CHST9: variants seen among roughly 807,000 people sequenced by gnomAD.
CHST9 encodes carbohydrate sulfotransferase 9.
A neutral mutation model predicts 44.4 loss-of-function variants in CHST9; 41 were observed. That is an observed-to-expected ratio of 0.92 (90% confidence interval 0.72 to 1.20). The LOEUF is 1.20. Ranked by LOEUF, CHST9 falls within the 50% of genes most tolerant of loss-of-function variation. The pLI, the probability that CHST9 is intolerant of heterozygous loss-of-function variation, is 0.00. For synonymous variants in CHST9, 171 were observed against 178.4 expected (o/e 0.96, Z 0.33); for missense variants, 504 against 516.5 (o/e 0.98, Z 0.23).
intron 3 of CHST9, among the ~76,000 whole-genome samples, chr18:27,026,320 T>C (rs887891491): frequency 6.6e-6 from 1 of 152,188 alleles, no homozygotes; most frequent in African/African-American, 2.4e-5. Flanking sequence ...AGTAAACTTA[T>C]TGAACACTGG....
At chr18:27,142,961 A>C in intron 1 of CHST9, 56 bp from the exon 2 acceptor site, 1 of 634,224 alleles carries the variant, frequency 1.6e-6, no homozygotes, top group Non-Finnish European at 2.6e-6. Context: ...TAATTCTCAA[A>C]TACGGCATAA....
chr18:27,140,446 T>C (rs1567934456), intron 2 of CHST9, among the ~76,000 whole-genome samples: 1 of 152,240 alleles, frequency 6.6e-6, no homozygotes, highest in Non-Finnish European at 1.5e-5. Flanking sequence ...TTAACCTGTT[T>C]CCTTAGATAT....
At chr18:26,919,731 T>C (rs1396749157) in intron 5 of CHST9, among the ~76,000 whole-genome samples, 1 of 152,128 alleles carries the variant, frequency 6.6e-6, no homozygotes, top group Admixed American at 6.5e-5. Flanking sequence ...CCCTGTGGCC[T>C]CTGGACTTTC....
In CHST9 at chr18:26,995,287, A is replaced by C. The variant is rs1307610369; in HGVS notation, c.202+28829T>G. ...AAAAAAAAAAAAAAAAAATGCAAAA[A>C]ATTAGCTGGGCGTGGTGGTGGGCGC... On this transcript the variant is annotated intron_variant, in intron 4 of 5. Transcript: ENST00000618847. Among the ~76,000 whole-genome samples the C allele has an allele frequency of 4.0e-5, 6 of 151,646 alleles. No homozygotes were observed. In the East Asian group the frequency reaches 1.2e-3, roughly 29 times the overall value.
intron 4 of CHST9, among the ~76,000 whole-genome samples, chr18:27,022,639 C>T (rs1598647054): frequency 6.6e-6 from 1 of 152,164 alleles, no homozygotes; most frequent in African/African-American, 2.4e-5. Context: ...GCTTTGATGT[C>T]TCCATGCTTT....
At chr18:26,922,624 G>A (rs2055679340) in intron 5 of CHST9, among the ~76,000 whole-genome samples, 1 of 134,092 alleles carries the variant, frequency 7.5e-6, no homozygotes, top group Non-Finnish European at 1.6e-5. Context: ...CCTAATTCTT[G>A]TTATTTTTAT....
intron 1 of CHST9, among the ~76,000 whole-genome samples, chr18:27,180,855 A>G (rs2058906382): frequency 6.6e-6 from 1 of 152,220 alleles, no homozygotes; most frequent in Non-Finnish European, 1.5e-5. Context: ...TAATAAGTGT[A>G]TATAAAATTT....
At chr18:26,983,697 G>T (rs964879383) in intron 4 of CHST9, among the ~76,000 whole-genome samples, 1 of 152,156 alleles carries the variant, frequency 6.6e-6, no homozygotes, top group Non-Finnish European at 1.5e-5. Context: ...GTCTTTGGAA[G>T]GGGACAAGAA....
At chr18:27,053,255 GAAGA>G (rs2057602800) in intron 2 of CHST9, among the ~76,000 whole-genome samples, 14 of 115,264 alleles carry the variant, frequency 1.2e-4, no homozygotes, top group African/African-American at 4.5e-4. Flanking sequence ...AGAAGAAGAA[GAAGA>G]AGGAGAAGGA....
intron 4 of CHST9, among the ~76,000 whole-genome samples, chr18:27,014,453 C>CAAAAAAAAAAAAAAAAAAAAAAAAAAA (rs57437876): frequency 2.5e-5 from 1 of 39,438 alleles, no homozygotes; most frequent in Non-Finnish European, 4.2e-5. Flanking sequence ...GACTCTGTCT[C>CAAAAAAAAAAAAAAAAAAAAAAAAAAA]AAAAAAAAAA....
intron 2 of CHST9, among the ~76,000 whole-genome samples, chr18:27,100,620 T>G (rs1017508215): frequency 2.3e-4 from 35 of 152,170 alleles, no homozygotes; most frequent in Non-Finnish European, 4.4e-5. Flanking sequence ...GACTTTGCTT[T>G]GTTTGCGGTA....
At chr18:27,054,131 T>G (rs17704048) in intron 2 of CHST9, among the ~76,000 whole-genome samples, 17,197 of 152,234 alleles carry the variant, frequency 0.11, 1,194 homozygotes, top group Middle Eastern at 0.24. Flanking sequence ...CAACTCACTC[T>G]GAAATGCTGG....
chr18:27,140,120 AAAT>A (rs1259504262), intron 2 of CHST9, among the ~76,000 whole-genome samples: 2 of 152,152 alleles, frequency 1.3e-5, no homozygotes, highest in African/African-American at 4.8e-5. Flanking sequence ...TGCTATAGAG[AAAT>A]AATAATATTC....
chr18:26,956,228 C>T (rs1355894242), intron 4 of CHST9, among the ~76,000 whole-genome samples: 3 of 149,990 alleles, frequency 2.0e-5, no homozygotes, highest in Non-Finnish European at 3.0e-5. Context: ...AGGAGAATTG[C>T]TTGAATCCAA....
chr18:26,923,320 T>G (rs2055698254), intron 5 of CHST9, among the ~76,000 whole-genome samples: 1 of 152,246 alleles, frequency 6.6e-6, no homozygotes, highest in African/African-American at 2.4e-5. Flanking sequence ...TTTTATTTTA[T>G]TCTAGGTAGT....
chr18:26,940,756 T>A (rs1456705324), intron 5 of CHST9, among the ~76,000 whole-genome samples: 5 of 152,172 alleles, frequency 3.3e-5, no homozygotes, highest in African/African-American at 1.2e-4. Context: ...CCCAAACAGA[T>A]ATGTTGAAGT....
chr18:27,148,721 T>C (rs1300929841), intron 1 of CHST9, among the ~76,000 whole-genome samples: 1 of 139,716 alleles, frequency 7.2e-6, no homozygotes, highest in African/African-American at 2.6e-5. Flanking sequence ...TAAACATACA[T>C]GTGCATGTGT....
At chr18:27,077,583 G>T (rs2057917655) in intron 2 of CHST9, among the ~76,000 whole-genome samples, 1 of 152,108 alleles carries the variant, frequency 6.6e-6, no homozygotes, top group Non-Finnish European at 1.5e-5. Context: ...CTTTCTGGAT[G>T]TGTTTTTGCA....
chr18:27,094,134 T>G lies in CHST9; in HGVS notation c.122-45631A>C, dbSNP rs182181355. ...ATTTGTGTCTTTTATAAGGGAACTA[T>G]GTATACATAGTGGAAAACTCTTATT... On this transcript the variant is annotated intron_variant, in intron 2 of 5. Transcript: ENST00000618847. Among the ~76,000 whole-genome samples the G allele has an allele frequency of 1.4e-4, 21 of 152,302 alleles. No homozygotes were observed. The East Asian group carries it at 4.1e-3, about 29-fold the overall frequency.
Sources: allele counts gnomAD v4.1 joint callset (sites outside exome capture counted in the v4.1 genomes callset), GRCh38; gene constraint gnomAD v4.1.1; transcripts MANE v1.5; gene names NCBI Gene and HGNC (gene_info 2026-07-23, HGNC 2026-07-21).